Variants in CTNNA2 observed in about 807,000 individuals in gnomAD.
CTNNA2 encodes the protein catenin alpha-2.
Under a neutral mutation model 101.0 loss-of-function variants are expected in CTNNA2, and 42 were observed. That is an observed-to-expected ratio of 0.42 (90% CI 0.32 to 0.54). The LOEUF (loss-of-function observed/expected upper bound fraction) is 0.54. Among genes scored for constraint, CTNNA2 ranks in the 20% least tolerant of loss-of-function variants. The pLI is 0.14. For synonymous variants in CTNNA2, 450 were observed against 456.4 expected (o/e 0.99, Z 0.18); for missense variants, 871 against 1,223.1 (o/e 0.71, Z 4.29).
intron 7 of CTNNA2, among the ~76,000 whole-genome samples, chr2:79,979,643 G>A (rs918408948): frequency 2.0e-5 from 3 of 152,010 alleles, no homozygotes; most frequent in Non-Finnish European, 4.4e-5. Flanking sequence ...TTACAGAAAG[G>A]ATTTGAAGTG....
In CTNNA2 at chr2:80,165,811, G is replaced by T. The variant is rs1704643197; in HGVS notation, c.1057-227400G>T. Among the ~76,000 whole-genome samples, 4 of 152,142 alleles carry T rather than the reference G, an allele frequency of 2.6e-5. 1 individual carries two copies. On this transcript the variant is annotated intron_variant, in intron 7 of 18. Coordinates refer to ENST00000402739, the MANE Select transcript of CTNNA2 (RefSeq NM_001282597.3). ...CCCTGGCAAGTTTTCTTATTATGTG[G>T]ATCACAGTCTTGGCGTTCTACTTGG...
intron 12 of CTNNA2, among the ~76,000 whole-genome samples, chr2:80,569,648 T>TG (rs1558598250): frequency 0.016 from 1,740 of 107,858 alleles, 153 homozygotes; most frequent in African/African-American, 0.05. Context: ...TTTTTTTTTT[T>TG]TTTTTTTTTT....
chr2:79,382,474 G>T (rs1678050194), intron 4 of CTNNA2, among the ~76,000 whole-genome samples: 1 of 152,058 alleles, frequency 6.6e-6, no homozygotes, highest in Non-Finnish European at 1.5e-5. Context: ...TACCAAAAAA[G>T]AAGAAGGTTT....
intron 1 of CTNNA2, chr2:79,573,854 A>G (rs2103842958): frequency 6.6e-6 from 1 of 152,296 alleles, no homozygotes; most frequent in African/African-American, 2.4e-5. Context: ...TACAGAAATA[A>G]CCTACCAGAA....
intron 9 of CTNNA2, among the ~76,000 whole-genome samples, chr2:80,444,121 A>G (rs1682856305): frequency 6.6e-6 from 1 of 152,190 alleles, no homozygotes; most frequent in South Asian, 2.1e-4. Flanking sequence ...TCCCTGTGAG[A>G]AAATATTGGG....
intron 2 of CTNNA2, among the ~76,000 whole-genome samples, chr2:79,689,497 A>G (rs1684150083): frequency 6.6e-6 from 1 of 152,064 alleles, no homozygotes; most frequent in Admixed American, 6.6e-5. Context: ...CACAGCAAAG[A>G]AAATTTCTCT....
At chr2:80,029,172 C>A (rs1695131616) in intron 7 of CTNNA2, among the ~76,000 whole-genome samples, 1 of 152,200 alleles carries the variant, frequency 6.6e-6, no homozygotes, top group South Asian at 2.1e-4. Flanking sequence ...ACGATTACTA[C>A]TACTGCATTT....
intron 7 of CTNNA2, among the ~76,000 whole-genome samples, chr2:80,076,893 A>T (rs1698792702): frequency 1.3e-5 from 2 of 152,064 alleles, no homozygotes; most frequent in African/African-American, 4.8e-5. Context: ...AAAAATACAA[A>T]AAAAAAAATT....
chr2:80,314,709 C>A (rs1677937301), intron 7 of CTNNA2, among the ~76,000 whole-genome samples: 1 of 152,200 alleles, frequency 6.6e-6, no homozygotes, highest in Non-Finnish European at 1.5e-5. Flanking sequence ...ATGTCAATGT[C>A]TAGCTGGTGT....
chr2:79,389,580 C>A (rs969264220), intron 4 of CTNNA2, among the ~76,000 whole-genome samples: 17 of 152,064 alleles, frequency 1.1e-4, no homozygotes, highest in African/African-American at 3.4e-4. Flanking sequence ...AAACAAGGGC[C>A]AATTTATTCA....
chr2:80,496,302 G>T (rs1687461418), intron 9 of CTNNA2, among the ~76,000 whole-genome samples: 1 of 151,570 alleles, frequency 6.6e-6, no homozygotes, highest in Admixed American at 6.6e-5. Context: ...TCTGTGCATT[G>T]TTCTAAATGT....
chr2:80,352,095 A>C (rs553032247), intron 7 of CTNNA2, among the ~76,000 whole-genome samples: 1 of 152,186 alleles, frequency 6.6e-6, no homozygotes, highest in Admixed American at 6.6e-5. Context: ...GCAAGGGAGA[A>C]TTTTGGAATC....
intron 1 of CTNNA2, among the ~76,000 whole-genome samples, chr2:79,520,366 T>G (rs1055968242): frequency 2.6e-5 from 4 of 152,214 alleles, no homozygotes; most frequent in Admixed American, 6.5e-5. Flanking sequence ...TTGAGCATAA[T>G]GTTTGTGGGA....
At chr2:80,038,442 C>T (rs972228522) in intron 7 of CTNNA2, among the ~76,000 whole-genome samples, 9 of 152,078 alleles carry the variant, frequency 5.9e-5, no homozygotes, top group East Asian at 3.9e-4. Flanking sequence ...AATGTGAGGC[C>T]GGGCGCGGTG....
intron 7 of CTNNA2, among the ~76,000 whole-genome samples, chr2:80,146,437 C>T (rs753990859): frequency 7.9e-5 from 12 of 152,052 alleles, no homozygotes; most frequent in East Asian, 1.9e-4. Context: ...TTAGGAAGTC[C>T]AGTCCCTAAT....
intron 9 of CTNNA2, among the ~76,000 whole-genome samples, chr2:80,427,320 T>C (rs565433379): frequency 6.6e-6 from 1 of 152,322 alleles, no homozygotes; most frequent in Admixed American, 6.5e-5. Context: ...GAAGAACTAA[T>C]GTGAAGAAAT....
At chr2:79,454,674 T>A (rs1412208491) in intron 4 of CTNNA2, among the ~76,000 whole-genome samples, 1 of 152,056 alleles carries the variant, frequency 6.6e-6, no homozygotes, top group Non-Finnish European at 1.5e-5. Flanking sequence ...GGAGGTTAAA[T>A]GATTGAGTCT....
At chr2:80,601,311 C>T (rs1045083831) in intron 15 of CTNNA2, among the ~76,000 whole-genome samples, 4 of 151,662 alleles carry the variant, frequency 2.6e-5, no homozygotes, top group African/African-American at 4.8e-5. Flanking sequence ...TACTTTCCTT[C>T]TGATATTCTG....
chr2:80,098,066 GA>G (rs1700276748), intron 7 of CTNNA2, among the ~76,000 whole-genome samples: 1 of 152,166 alleles, frequency 6.6e-6, no homozygotes, highest in Admixed American at 6.5e-5. Flanking sequence ...CATTCCTTTG[GA>G]GGAGGAGAGG....
Sources: gnomAD v4.1 joint callset for allele counts (sites outside exome capture counted in the v4.1 genomes callset) on GRCh38, gnomAD v4.1.1 for gene constraint, MANE v1.5 for transcripts, NCBI Gene and HGNC (gene_info 2026-07-23, HGNC 2026-07-21) for gene names.